The following FYCO1 variants were observed in gnomAD, a reference collection of about 807,000 sequenced individuals.
FYCO1 encodes the protein FYVE and coiled-coil domain-containing protein 1.
Under a neutral mutation model 165.1 loss-of-function variants are expected in FYCO1, and 122 were observed. That is an observed-to-expected ratio of 0.74 (90% confidence interval 0.64 to 0.86). The LOEUF (loss-of-function observed/expected upper bound fraction) is 0.86, where lower values mean the gene tolerates loss of function less well. Among genes scored for constraint, FYCO1 ranks in the 40% least tolerant of loss-of-function variants. The probability of loss-of-function intolerance (pLI) is 0.00; values close to 1 mark genes in which losing one functional copy is unlikely to be tolerated. For synonymous variants in FYCO1, 648 were observed against 742.5 expected (o/e 0.87, Z 2.07); for missense variants, 1,702 against 1,810.3 (o/e 0.94, Z 1.09).
At chr3:45,989,954 G>T (rs773623438) in intron 1 of FYCO1, among the ~76,000 whole-genome samples, 2 of 152,162 alleles carry the variant, frequency 1.3e-5, no homozygotes, top group African/African-American at 4.8e-5. Context: ...ACAATGACAG[G>T]CATGAGAATC....
rs766143938 is a variant in FYCO1 at position 45,968,248 on chromosome 3, G to T, written c.1086C>A (p.Asn362Lys). Residue 362 changes from asparagine to lysine, a missense_variant, in exon 8 of 18, where the codon AAC (asparagine) becomes AAA (lysine). Transcript: ENST00000296137. Reference protein sequence around the residue: ...EATRDSLDKKNQHLASFPGWL... With the variant: ...EATRDSLDKKKQHLASFPGWL... ...AGCCTGGGAAGCTGGCTAAATGCTGGTTTTTCTTGTCCAGTGAGTCCCGTG... is the reference window on the plus strand; with the variant it reads ...AGCCTGGGAAGCTGGCTAAATGCTGTTTTTTCTTGTCCAGTGAGTCCCGTG... 4 of 1,613,924 alleles carry T rather than the reference G, an allele frequency of 2.5e-6. No homozygotes were observed. Among genetic ancestry groups the T allele is most frequent in the Non-Finnish European group, 1.7e-6 (2 of 1,180,054 alleles).
In FYCO1 at chr3:45,967,266, C is replaced by T; in HGVS notation, c.2068G>A (p.Ala690Thr). The T allele has an allele frequency of 6.2e-7, 1 of 1,614,044 alleles. No individual in the cohort carries two copies. The highest frequency in any genetic ancestry group is 8.5e-7 in the Non-Finnish European group (1 of 1,179,950). Reference protein sequence around the residue: ...SLLAVRKAKEAMKAQMAEKEA... With the variant: ...SLLAVRKAKETMKAQMAEKEA... ...TTCTCTGCCATCTGGGCTTTCATGG[C>T]CTCCTTGGCCTTCCTTACAGCCAGC... Residue 690 changes from alanine to threonine, a missense_variant, in exon 8 of 18, where the codon GCC becomes ACC. By Grantham distance (58) the Ala-to-Thr change is moderately conservative (BLOSUM62 0). Transcript: ENST00000296137.
At chr3:45,985,115 C>T (rs1707247842) in intron 1 of FYCO1, 93 bp from the exon 2 acceptor site, 2 of 667,740 alleles carry the variant, frequency 3.0e-6, no homozygotes, top group Admixed American at 2.1e-5. Context: ...CAAAGGTCAC[C>T]CTATCTGGGT....
Position 45,958,585 on chromosome 3 carries a change from T to C in FYCO1, c.3622A>G (p.Asn1208Asp), listed in dbSNP as rs748121538. The C allele has an allele frequency of 5.0e-6, 8 of 1,614,118 alleles. No homozygotes were observed. In the Admixed American group the frequency reaches 1.2e-4, roughly 24 times the overall value. The change falls in exon 13 of 18, where the codon AAC (asparagine) becomes GAC (aspartate). Residue 1208 changes from asparagine (N) to aspartate (D), a missense_variant. By Grantham distance (23) the Asn-to-Asp change is conservative (BLOSUM62 1). Coordinates refer to ENST00000296137, the MANE Select transcript of FYCO1 (RefSeq NM_024513.4). ...CGRIFCYYCC[N>D]NYVLSKHGGK... Reference sequence around the variant, plus strand: ...CCGTGCTTGCTCAGGACGTAGTTGTTGCAGCAGTAGTAACAGAAGATGCGG... The same window carrying C: ...CCGTGCTTGCTCAGGACGTAGTTGTCGCAGCAGTAGTAACAGAAGATGCGG...
intron 1 of FYCO1, among the ~76,000 whole-genome samples, chr3:45,992,599 T>G (rs961302756): frequency 6.6e-6 from 1 of 152,204 alleles, no homozygotes; most frequent in Non-Finnish European, 1.5e-5. Context: ...CCTGGGGAAG[T>G]CATTTGACCT....
At chr3:45,935,210 C>A (rs1279389425) in intron 15 of FYCO1, among the ~76,000 whole-genome samples, 1 of 152,230 alleles carries the variant, frequency 6.6e-6, no homozygotes, top group African/African-American at 2.4e-5. Flanking sequence ...GTCCAAGGAA[C>A]AAGGATTCCT....
intron 12 of FYCO1, 66 bp from the exon 13 acceptor site, chr3:45,958,685 C>T: frequency 6.6e-7 from 1 of 1,516,488 alleles, no homozygotes; most frequent in Non-Finnish European, 9.2e-7. Context: ...CTGCTCAGCA[C>T]CCAAACTGGG....
At chr3:45,936,647 C>T (rs1189587517) in intron 14 of FYCO1, 104 bp from the exon 15 acceptor site, 3 of 804,354 alleles carry the variant, frequency 3.7e-6, no homozygotes, top group East Asian at 4.9e-5. Flanking sequence ...AATCCAGATG[C>T]ATGGGGGATC....
chr3:45,930,461 C>T (rs923639354), intron 16 of FYCO1, among the ~76,000 whole-genome samples: 2 of 152,228 alleles, frequency 1.3e-5, no homozygotes, highest in South Asian at 2.1e-4. Flanking sequence ...TCAACCTTGG[C>T]TGCTCATTGG....
At position 45,968,221 on chromosome 3, in the gene FYCO1, C is replaced by A. The variant is rs200006714; in HGVS notation, c.1113G>T (p.Trp371Cys). 1.2e-6 allele frequency: 2 copies of A among 1,613,996 alleles called. No homozygotes were observed. Among genetic ancestry groups the A allele is most frequent in the East Asian group, 4.5e-5 (2 of 44,886 alleles). Residue 371 changes from tryptophan to cysteine, a missense_variant, in exon 8 of 18, where the codon TGG becomes TGT. By Grantham distance (215) the Trp-to-Cys change is radical. Transcript: ENST00000296137. ...CTGCCTTCTGCTGAGCCATGGCTAG[C>A]CAGCCTGGGAAGCTGGCTAAATGCT... is the stretch of plus-strand genomic sequence containing the variant. The part of the protein sequence containing the change: ...KNQHLASFPG[W>C]LAMAQQKADT...
intron 14 of FYCO1, 115 bp downstream of exon 14, chr3:45,955,134 A>G: frequency 8.0e-7 from 1 of 1,247,460 alleles, no homozygotes; most frequent in Non-Finnish European, 1.2e-6. Context: ...CTGTTCCCTT[A>G]GGCAAGGACA....
At chr3:45,934,890 G>A (rs1312999689) in intron 15 of FYCO1, among the ~76,000 whole-genome samples, 2 of 152,188 alleles carry the variant, frequency 1.3e-5, no homozygotes. Context: ...TTGCATCAAA[G>A]AGAAAATGCA....
At position 45,918,040 on chromosome 3, in the gene FYCO1, T is replaced by C. The variant is rs547425913; in HGVS notation, c.*3725A>G. On this transcript the variant is annotated 3_prime_UTR_variant, in exon 18 of 18. Coordinates refer to ENST00000296137, the MANE Select transcript of FYCO1 (RefSeq NM_024513.4). ...CCCCATTGAGCAGGTGGGGTGCTGG[T>C]ATTTGATGTGCTTCTAGATAATTCT... 3.7e-3 allele frequency: 570 copies of C among 152,754 alleles called. 2 individuals are homozygous for C. The highest frequency in any genetic ancestry group is 6.0e-3 in the Non-Finnish European group (411 of 68,030). The allele number at this position is 152,754 out of a possible 1,614,324, so 9.5% of individuals were successfully genotyped here. A position where few individuals can be genotyped will look rare whatever the true frequency, so the allele number is the denominator to read the frequency against.
In FYCO1 at chr3:45,962,095, A is replaced by G; in HGVS notation, c.3437+130T>C. On this transcript the variant is annotated intron_variant, in intron 11 of 17. Coordinates refer to ENST00000296137, the MANE Select transcript of FYCO1 (RefSeq NM_024513.4). This position sits in a 1 kb window ranked among gnomAD's most constrained non-coding sequence, Gnocchi z 4.4. ...GGGAAAGTGAGATGGAGAAGGAGAG[A>G]GGGGCTCCTGAGACAGCAGCAAGAA... 3 of 991,180 alleles carry G rather than the reference A, an allele frequency of 3.0e-6. No homozygotes were observed. Among genetic ancestry groups the G allele is most frequent in the Non-Finnish European group, 4.8e-6 (3 of 625,502 alleles). 61.4% of individuals were successfully genotyped at this position (991,180 alleles called of 1,614,324 possible).
chr3:45,974,278 TAAG>T (rs948506397), intron 5 of FYCO1, among the ~76,000 whole-genome samples: 1 of 151,984 alleles, frequency 6.6e-6, no homozygotes, highest in Non-Finnish European at 1.5e-5. Flanking sequence ...AAGGCTGAGG[TAAG>T]AAGATCACTT....
chr3:45,940,081 C>A (rs1704135100), intron 14 of FYCO1, among the ~76,000 whole-genome samples: 1 of 152,218 alleles, frequency 6.6e-6, no homozygotes, highest in Non-Finnish European at 1.5e-5. Context: ...TTAAATTTTG[C>A]TATCAAATTA....
In FYCO1 at chr3:45,964,330, A is replaced by T; in HGVS notation, c.3269+6T>A. 6.2e-7 allele frequency: 1 copy of T among 1,608,206 alleles called. No individual in the cohort carries two copies. Among genetic ancestry groups the T allele is most frequent in the Non-Finnish European group, 8.5e-7 (1 of 1,174,592 alleles). ...CCGACAGCTACGTAGGTGGACTGTG[A>T]CTAACCTTTCTAGGTCTTCACGCAG... On this transcript the variant is annotated splice_donor_region_variant and intron_variant, in intron 10 of 17. Coordinates refer to ENST00000296137, the MANE Select transcript of FYCO1 (RefSeq NM_024513.4). The surrounding 1 kb of genome is among the most constrained non-coding windows in gnomAD (Gnocchi z 4.1).
chr3:45,989,023 C>G (rs763167748), intron 1 of FYCO1, among the ~76,000 whole-genome samples: 4 of 152,130 alleles, frequency 2.6e-5, no homozygotes, highest in Non-Finnish European at 1.5e-5. Flanking sequence ...CATAATATTG[C>G]CCAGAAACTG....
At chr3:45,983,490 T>C (rs773097586) in intron 2 of FYCO1, among the ~76,000 whole-genome samples, 16 of 152,198 alleles carry the variant, frequency 1.1e-4, no homozygotes, top group Non-Finnish European at 1.9e-4. Flanking sequence ...CAGCCCAGGA[T>C]GTTGGGGGTG....
Sources: gnomAD v4.1 joint callset for allele counts (sites outside exome capture counted in the v4.1 genomes callset) on GRCh38, gnomAD v4.1.1 for gene constraint, Gnocchi (gnomAD v3.1) non-coding constraint, MANE v1.5 for transcripts, NCBI Gene and HGNC (gene_info 2026-07-23, HGNC 2026-07-21) for gene names.